Variants in GUCY2C observed in about 807,000 individuals in gnomAD.
GUCY2C encodes the protein guanylate cyclase 2C.
A neutral mutation model predicts 131.1 loss-of-function variants in GUCY2C; 118 were observed. The ratio of observed to expected loss-of-function variants is 0.90; its 90% CI spans 0.78 to 1.05. GUCY2C has a LOEUF of 1.05. Ranked by LOEUF, GUCY2C falls within the 50% of genes least tolerant of loss-of-function variation. GUCY2C has a pLI of 0.00. For missense variants in GUCY2C, 1,161 were observed against 1,304.4 expected (o/e 0.89, Z 1.69); for synonymous variants, 452 against 457.8 (o/e 0.99, Z 0.16).
chr12:14,662,691 A>G (rs915303578), intron 10 of GUCY2C, among the ~76,000 whole-genome samples: 8 of 151,926 alleles, frequency 5.3e-5, no homozygotes, highest in Admixed American at 5.3e-4. Flanking sequence ...AAAAAAAAAA[A>G]AAAGAAAGAT....
chr12:14,693,503 T>A (rs1275043883), intron 1 of GUCY2C, among the ~76,000 whole-genome samples: 1 of 152,222 alleles, frequency 6.6e-6, no homozygotes, highest in East Asian at 1.9e-4. Flanking sequence ...CCTTTGAACA[T>A]CACATATAAC....
intron 12 of GUCY2C, among the ~76,000 whole-genome samples, chr12:14,653,593 C>A (rs966789326): frequency 6.6e-6 from 1 of 152,200 alleles, no homozygotes; most frequent in Non-Finnish European, 1.5e-5. Flanking sequence ...ACAAAACACA[C>A]GCACACACAT....
chr12:14,625,688 C>A (rs1946998962), intron 21 of GUCY2C, 69 bp downstream of exon 21: 2 of 1,478,962 alleles, frequency 1.4e-6, no homozygotes, highest in South Asian at 1.2e-5. Context: ...GGAAACAAAT[C>A]CTATATAGAT....
At chr12:14,678,476 A>C (rs1449101476) in intron 6 of GUCY2C, among the ~76,000 whole-genome samples, 1 of 152,376 alleles carries the variant, frequency 6.6e-6, no homozygotes, top group East Asian at 1.9e-4. Flanking sequence ...GGGGTAAAGC[A>C]GCTATTGAAA....
chr12:14,636,239 A>C (rs1947267517), intron 19 of GUCY2C, among the ~76,000 whole-genome samples: 1 of 152,226 alleles, frequency 6.6e-6, no homozygotes, highest in Non-Finnish European at 1.5e-5. Flanking sequence ...CTAACAGTAC[A>C]TCAAAAAGAT....
chr12:14,632,077 TG>T (rs1261490769), intron 19 of GUCY2C, among the ~76,000 whole-genome samples: 2 of 152,242 alleles, frequency 1.3e-5, no homozygotes, highest in Admixed American at 6.5e-5. Flanking sequence ...TTGACAGGGT[TG>T]TTTTTTTCTT....
intron 15 of GUCY2C, among the ~76,000 whole-genome samples, chr12:14,647,800 T>C (rs1488962698): frequency 6.6e-6 from 1 of 152,008 alleles, no homozygotes; most frequent in African/African-American, 2.4e-5. Context: ...TTCTGACCAA[T>C]TTGGCTAATA....
At position 14,660,981 on chromosome 12, in the gene GUCY2C, C is replaced by A. The variant is rs1345180546; in HGVS notation, c.1364G>T (p.Arg455Ile). 1 of 1,604,808 alleles carries A rather than the reference C, an allele frequency of 6.2e-7. No individual in the cohort carries two copies. The highest frequency in any genetic ancestry group is 8.5e-7 in the Non-Finnish European group (1 of 1,171,686). Residue 455 changes from arginine (R) to isoleucine (I), a missense_variant and splice_region_variant, in exon 11 of 27, where the codon AGA (arginine) becomes ATA (isoleucine). Transcript: ENST00000261170. Reference sequence around the variant, plus strand: ...ACAGGCATGATAGAGGCGGCTGTACCTGAGCATCAGGAGAGCGACGAGCAG... The same window carrying A: ...ACAGGCATGATAGAGGCGGCTGTACATGAGCATCAGGAGAGCGACGAGCAG... The part of the protein sequence containing the change: ...LLLLVALLML[R>I]KYRKDYELRQ...
At chr12:14,678,779 G>A (rs1282560831) in intron 6 of GUCY2C, among the ~76,000 whole-genome samples, 1 of 152,120 alleles carries the variant, frequency 6.6e-6, no homozygotes, top group Non-Finnish European at 1.5e-5. Flanking sequence ...TGGCTTCTGG[G>A]GGCAAGGGGC....
At position 14,641,079 on chromosome 12, in the gene GUCY2C, T is replaced by C; in HGVS notation, c.2068+3A>G. 3.1e-6 allele frequency: 5 copies of C among 1,613,148 alleles called. No individual in the cohort carries two copies. Among genetic ancestry groups the C allele is most frequent in the Non-Finnish European group, 4.2e-6 (5 of 1,179,732 alleles). On this transcript the variant is annotated splice_donor_region_variant and intron_variant, in intron 18 of 26. Transcript: ENST00000261170. ...GGGGACACATGAATGGGTTTAGATG[T>C]ACCATTCCGGTCCCGACAGCTCAAA...
intron 19 of GUCY2C, among the ~76,000 whole-genome samples, chr12:14,632,561 T>G (rs1411944648): frequency 6.6e-6 from 1 of 152,162 alleles, no homozygotes; most frequent in Non-Finnish European, 1.5e-5. Context: ...GGAAGTACAT[T>G]TCTCTATTCT....
chr12:14,684,030 C>T (rs946683063), intron 3 of GUCY2C, among the ~76,000 whole-genome samples: 4 of 152,112 alleles, frequency 2.6e-5, no homozygotes, highest in African/African-American at 4.8e-5. Context: ...AATCCAGGCC[C>T]TCCTTCTCTG....
intron 15 of GUCY2C, among the ~76,000 whole-genome samples, chr12:14,650,291 A>C (rs1947619925): frequency 6.6e-6 from 1 of 152,176 alleles, no homozygotes; most frequent in African/African-American, 2.4e-5. Flanking sequence ...CTCTGTTGCC[A>C]GGTTGGAGTG....
At chr12:14,687,341 T>A (rs1948490607) in intron 2 of GUCY2C, among the ~76,000 whole-genome samples, 1 of 152,184 alleles carries the variant, frequency 6.6e-6, no homozygotes, top group African/African-American at 2.4e-5. Context: ...AAAAACTGGC[T>A]GGGCGCAGTG....
intron 1 of GUCY2C, among the ~76,000 whole-genome samples, chr12:14,693,331 G>A (rs1948606275): frequency 6.6e-6 from 1 of 152,108 alleles, no homozygotes; most frequent in Non-Finnish European, 1.5e-5. Context: ...GCACACACAG[G>A]GTATGGGTCA....
chr12:14,622,436 G>A (rs954898842), intron 21 of GUCY2C, among the ~76,000 whole-genome samples: 1 of 152,174 alleles, frequency 6.6e-6, no homozygotes, highest in Non-Finnish European at 1.5e-5. Flanking sequence ...CATTAACTTA[G>A]TGTTTGATTA....
rs955114338 is a variant in GUCY2C, at chr12:14,670,768, C to T, written c.1171-935G>A. 1.1e-4 allele frequency among the ~76,000 whole-genome samples: 16 copies of T among 151,828 alleles called. No individual in the cohort carries two copies. In the South Asian group the frequency reaches 1.3e-3, roughly 12 times the overall value. On this transcript the variant is annotated intron_variant, in intron 9 of 26. Coordinates refer to ENST00000261170, the MANE Select transcript of GUCY2C (RefSeq NM_004963.4). ...TGCCTTTCACCTTCCACCATGATTGCGAGGCCTCCCCAGCCTCGCTGGGGA... is the reference window on the plus strand; with the variant it reads ...TGCCTTTCACCTTCCACCATGATTGTGAGGCCTCCCCAGCCTCGCTGGGGA...
intron 3 of GUCY2C, among the ~76,000 whole-genome samples, chr12:14,685,481 T>C (rs1948450919): frequency 6.6e-6 from 1 of 152,186 alleles, no homozygotes; most frequent in Admixed American, 6.5e-5. Context: ...CAGGGTCAGA[T>C]TGAACAGGTA....
intron 9 of GUCY2C, 83 bp downstream of exon 9, chr12:14,672,790 C>A: frequency 1.3e-6 from 1 of 762,824 alleles, no homozygotes. Context: ...TTCTCTAATT[C>A]TTTTGCTAGT....
Sources: allele counts gnomAD v4.1 joint callset (sites outside exome capture counted in the v4.1 genomes callset), GRCh38; gene constraint gnomAD v4.1.1; transcripts MANE v1.5; gene names NCBI Gene and HGNC (gene_info 2026-07-23, HGNC 2026-07-21).